Variants in DCC observed in about 807,000 individuals in gnomAD.
The protein encoded by DCC is netrin receptor DCC.
In DCC, 58 loss-of-function variants were observed where a neutral mutation model predicts 172.5. The ratio of observed to expected loss-of-function variants is 0.34; its 90% confidence interval spans 0.27 to 0.42. The LOEUF (loss-of-function observed/expected upper bound fraction) is 0.42. Ranked by LOEUF, DCC falls within the 10% of genes least tolerant of loss-of-function variation. The pLI is 1.00. For missense variants in DCC, 1,740 were observed against 1,791.0 expected (o/e 0.97, Z 0.51); for synonymous variants, 709 against 644.5 (o/e 1.10, Z -1.52).
At chr18:52,850,839 T>C (rs1005271216) in intron 2 of DCC, among the ~76,000 whole-genome samples, 12 of 152,272 alleles carry the variant, frequency 7.9e-5, no homozygotes, top group Admixed American at 6.5e-4. Flanking sequence ...TTATGTGTTA[T>C]TGAATGCATT....
chr18:52,576,783 T>C (rs750675477), intron 1 of DCC, among the ~76,000 whole-genome samples: 1 of 150,820 alleles, frequency 6.6e-6, no homozygotes, highest in South Asian at 2.1e-4. Context: ...TAAGCTGAGA[T>C]TGCGCCACTG....
intron 12 of DCC, among the ~76,000 whole-genome samples, chr18:53,298,888 G>C (rs560283624): frequency 6.6e-6 from 1 of 152,196 alleles, no homozygotes; most frequent in South Asian, 2.1e-4. Flanking sequence ...ATAATGAAAG[G>C]AACATTAGAC....
At chr18:53,189,775 G>C (rs958707783) in intron 9 of DCC, among the ~76,000 whole-genome samples, 1 of 152,166 alleles carries the variant, frequency 6.6e-6, no homozygotes, top group Non-Finnish European at 1.5e-5. Flanking sequence ...ATAAGTGAAT[G>C]AAGTTAGCCA....
chr18:52,933,238 TCCG>T (rs2040334075), intron 5 of DCC, among the ~76,000 whole-genome samples: 1 of 152,028 alleles, frequency 6.6e-6, no homozygotes, highest in African/African-American at 2.4e-5. Flanking sequence ...TACTAAGCAT[TCCG>T]CCAAGTAGTC....
Position 52,868,085 on chromosome 18 carries a change from G to A in DCC, c.413-37959G>A, listed in dbSNP as rs12957965. 1.2e-4 allele frequency among the ~76,000 whole-genome samples: 16 copies of A among 133,080 alleles called. No individual in the cohort carries two copies. In the East Asian group the frequency reaches 3.5e-3, roughly 29 times the overall value. The allele number at this position is 133,080 out of a possible 152,430, so 87.3% of individuals were successfully genotyped here. ...TGTGTGTGTGTGTGTGTGTATATAT[G>A]TGTGTATATATATATGTGTATATTT... On this transcript the variant is annotated intron_variant, in intron 2 of 28. Coordinates refer to ENST00000442544, the MANE Select transcript of DCC (RefSeq NM_005215.4).
chr18:53,328,165 A>T (rs909278807), intron 14 of DCC, among the ~76,000 whole-genome samples: 3 of 152,224 alleles, frequency 2.0e-5, no homozygotes, highest in Non-Finnish European at 4.4e-5. Flanking sequence ...CTTAGATAAA[A>T]GTTCAGTGAA....
chr18:52,884,867 A>G (rs2039546432), intron 2 of DCC, among the ~76,000 whole-genome samples: 1 of 152,104 alleles, frequency 6.6e-6, no homozygotes, highest in Admixed American at 6.6e-5. Flanking sequence ...TATTTGAAGG[A>G]ACTTGGGTAC....
In DCC at chr18:53,365,100, G is replaced by A. The variant is rs548957334; in HGVS notation, c.2360-20943G>A. Among the ~76,000 whole-genome samples, 12 of 137,000 alleles carry A rather than the reference G, an allele frequency of 8.8e-5. No individual in the cohort carries two copies. The South Asian group carries it at 1.4e-3, about 16-fold the overall frequency. The allele number at this position is 137,000 out of a possible 152,430, so 89.9% of individuals were successfully genotyped here. A position where few individuals can be genotyped will look rare whatever the true frequency, so the allele number is the denominator to read the frequency against. On this transcript the variant is annotated intron_variant, in intron 15 of 28. Transcript: ENST00000442544. Reference sequence around the variant, plus strand: ...CTCCTCCCACCCCACAACAGGCCCTGGTGTGCGATGTCCCCCTTCCTGTGT... The same window carrying A: ...CTCCTCCCACCCCACAACAGGCCCTAGTGTGCGATGTCCCCCTTCCTGTGT...
chr18:52,846,468 G>A (rs984838903), intron 2 of DCC, among the ~76,000 whole-genome samples: 10 of 152,072 alleles, frequency 6.6e-5, no homozygotes, highest in Admixed American at 6.5e-5. Context: ...TGAGCCAGAA[G>A]GCTGAGGCTG....
chr18:53,450,400 A>C (rs1256374314), intron 22 of DCC, 100 bp from the exon 23 acceptor site: 7 of 1,353,942 alleles, frequency 5.2e-6, no homozygotes, highest in Non-Finnish European at 7.4e-6. Context: ...AAGTTCAGAA[A>C]AGCCCAGAAC....
rs79090808 is a variant in DCC at position 52,561,328 on chromosome 18, A to G, written c.92-190726A>G. 4.5e-4 allele frequency among the ~76,000 whole-genome samples: 68 copies of G among 151,854 alleles called. 1 individual carries two copies. The East Asian group carries it at 0.01, about 22-fold the overall frequency. ...TATAGGCAGAGATCAATATGTGTAT[A>G]TATAATAGATATTTAAATACACATG... On this transcript the variant is annotated intron_variant, in intron 1 of 28. Transcript: ENST00000442544.
At chr18:52,629,713 G>A (rs1401095324) in intron 1 of DCC, among the ~76,000 whole-genome samples, 1 of 152,060 alleles carries the variant, frequency 6.6e-6, no homozygotes, top group Non-Finnish European at 1.5e-5. Context: ...CACTTTGGGA[G>A]GCCGAGGCGG....
At chr18:52,739,214 C>T (rs748165397) in intron 1 of DCC, among the ~76,000 whole-genome samples, 2 of 152,008 alleles carry the variant, frequency 1.3e-5, no homozygotes, top group Non-Finnish European at 2.9e-5. Flanking sequence ...CATTATTATG[C>T]AGCTCATGAC....
At chr18:52,561,546 C>A (rs1434606605) in intron 1 of DCC, among the ~76,000 whole-genome samples, 1 of 151,964 alleles carries the variant, frequency 6.6e-6, no homozygotes, top group Non-Finnish European at 1.5e-5. Context: ...TTTATACATA[C>A]TTTAAATATT....
At chr18:53,474,438 A>G (rs560636582) in intron 25 of DCC, among the ~76,000 whole-genome samples, 88 of 152,312 alleles carry the variant, frequency 5.8e-4, no homozygotes, top group African/African-American at 1.9e-3. Flanking sequence ...TCCCCACCCA[A>G]ATCTCATCTT....
At chr18:52,857,373 G>A (rs142713149) in intron 2 of DCC, among the ~76,000 whole-genome samples, 3 of 152,220 alleles carry the variant, frequency 2.0e-5, no homozygotes, top group African/African-American at 7.2e-5. Context: ...ATCCAAAAGA[G>A]AAAGATGGTC....
In DCC at chr18:52,851,751, GA is replaced by G. The variant is rs1159805528; in HGVS notation, c.413-54292del. On this transcript the variant is annotated intron_variant, in intron 2 of 28. Transcript: ENST00000442544. Reference sequence around the variant, plus strand: ...AGCATCCATCTGAAATATAATTATTGAGCACCTTTTCCATGCTAGACCTTAT... The same window carrying G: ...AGCATCCATCTGAAATATAATTATTGGCACCTTTTCCATGCTAGACCTTAT... Among the ~76,000 whole-genome samples the G allele has an allele frequency of 1.3e-5, 2 of 152,082 alleles. 1 individual carries two copies.
intron 1 of DCC, among the ~76,000 whole-genome samples, chr18:52,432,613 G>T (rs1987662264): frequency 6.6e-6 from 1 of 152,106 alleles, no homozygotes; most frequent in Non-Finnish European, 1.5e-5. Context: ...TCTCTCCTTT[G>T]CTTCATGTTG....
chr18:53,369,785 G>A (rs570809635), intron 15 of DCC, among the ~76,000 whole-genome samples: 65 of 151,752 alleles, frequency 4.3e-4, no homozygotes, highest in Non-Finnish European at 7.1e-4. Flanking sequence ...ATTTTTGTAC[G>A]TCAAATCATT....
Sources: allele counts gnomAD v4.1 joint callset (sites outside exome capture counted in the v4.1 genomes callset), GRCh38; gene constraint gnomAD v4.1.1; transcripts MANE v1.5; gene names NCBI Gene and HGNC (gene_info 2026-07-23, HGNC 2026-07-21).